The following NRIP2 variants were observed in gnomAD, a reference collection of about 807,000 sequenced individuals.
NRIP2 encodes nuclear receptor-interacting protein 2.
NRIP2 carries 27 observed loss-of-function variants against 34.1 expected under a neutral mutation model. That is an observed-to-expected ratio of 0.79 (90% CI 0.58 to 1.09). NRIP2 has a LOEUF of 1.09. NRIP2 is among the 50% of genes least tolerant of loss of function. NRIP2 has a pLI of 0.00. For synonymous variants in NRIP2, 145 were observed against 146.9 expected (o/e 0.99, Z 0.09); for missense variants, 385 against 352.6 (o/e 1.09, Z -0.74).
Position 2,827,529 on chromosome 12 carries a change from A to T in NRIP2, c.753+96T>A. The T allele has an allele frequency of 3.1e-6, 5 of 1,591,794 alleles. No homozygotes were observed. The highest frequency in any genetic ancestry group is 4.3e-6 in the Non-Finnish European group (5 of 1,172,026). ...AGCAAAGGGACAGTTGCCCATCTCT[A>T]AGTCACTCTCATCAGAACCTGGTCC... On this transcript the variant is annotated intron_variant, in intron 5 of 5. Transcript: ENST00000337508. The surrounding 1 kb of genome is among the most constrained non-coding windows in gnomAD (Gnocchi z 4.0).
At position 2,827,425 on chromosome 12, in the gene NRIP2, T is replaced by C. The variant is rs1003098833; in HGVS notation, c.754-126A>G. 72 of 1,522,696 alleles carry C rather than the reference T, an allele frequency of 4.7e-5. No homozygotes were observed. Among genetic ancestry groups the C allele is most frequent in the Admixed American group, 4.5e-5 (2 of 44,020 alleles). The allele number at this position is 1,522,696 out of a possible 1,614,324, so 94.3% of individuals were successfully genotyped here. ...GCCTTTTGCTCTTCCCCCATCCCCATTTCCCTAGACTCCTGTTGAAGGGGG... is the reference window on the plus strand; with the variant it reads ...GCCTTTTGCTCTTCCCCCATCCCCACTTCCCTAGACTCCTGTTGAAGGGGG... On this transcript the variant is annotated intron_variant, in intron 5 of 5. Transcript: ENST00000337508. This position sits in a 1 kb window ranked among gnomAD's most constrained non-coding sequence, Gnocchi z 4.0.
intron 1 of NRIP2, 140 bp from the exon 2 acceptor site, chr12:2,831,000 T>C: frequency 1.4e-6 from 1 of 718,582 alleles, no homozygotes; most frequent in Admixed American, 4.3e-5. Context: ...TACCCTAGGG[T>C]CCCAGATAAT....
Position 2,830,801 on chromosome 12 carries a change from C to T in NRIP2, c.402G>A (p.Gly134=). 1 of 1,613,800 alleles carries T rather than the reference C, an allele frequency of 6.2e-7. No individual in the cohort carries two copies. The highest frequency in any genetic ancestry group is 8.5e-7 in the Non-Finnish European group (1 of 1,179,878). Residue 134 remains glycine, a synonymous_variant, in exon 2 of 6, where the codon GGG becomes GGA. Transcript: ENST00000337508. ...LVEGNPNWLQ[G]EPPRMQDLIH... is the part of the protein sequence containing the mutation. The stretch of plus-strand genomic sequence containing the variant: ...TCAGGTCCTGCATCCGGGGAGGCTC[C>T]CCCTGAAGCCAATTCGGGTTTCCCT...
At chr12:2,831,217 T>C (rs533336366) in intron 1 of NRIP2, among the ~76,000 whole-genome samples, 10 of 151,922 alleles carry the variant, frequency 6.6e-5, no homozygotes, top group Non-Finnish European at 1.3e-4. Context: ...GTTTTTTTTT[T>C]CTTCCCCTCT....
chr12:2,826,951 T>G lies in NRIP2; in HGVS notation c.*256A>C. 1 of 1,311,260 alleles carries G rather than the reference T, an allele frequency of 7.6e-7. No individual in the cohort carries two copies. The highest frequency in any genetic ancestry group is 9.7e-7 in the Non-Finnish European group (1 of 1,029,306). The allele number at this position is 1,311,260 out of a possible 1,614,324, so 81.2% of individuals were successfully genotyped here. The stretch of plus-strand genomic sequence containing the variant: ...CTGTGGTCTTGATTTGGCTTTGCTT[T>G]TCTTGGGAGGAAGATGAATCAGAAT... On this transcript the variant is annotated 3_prime_UTR_variant, in exon 6 of 6. Coordinates refer to ENST00000337508, the MANE Select transcript of NRIP2 (RefSeq NM_031474.3).
chr12:2,833,729 G>GAAT (rs948423470), intron 1 of NRIP2, among the ~76,000 whole-genome samples: 1 of 152,032 alleles, frequency 6.6e-6, no homozygotes, highest in Admixed American at 6.6e-5. Flanking sequence ...ATAGCTGGGG[G>GAAT]AATAATAATA....
At chr12:2,829,971 G>A (rs1228323010) in intron 2 of NRIP2, among the ~76,000 whole-genome samples, 1 of 151,736 alleles carries the variant, frequency 6.6e-6, no homozygotes, top group African/African-American at 2.4e-5. Context: ...CAGCTACTTA[G>A]GAGGCTGAGG....
At chr12:2,830,058 CAG>C (rs973051746) in intron 2 of NRIP2, among the ~76,000 whole-genome samples, 6 of 151,832 alleles carry the variant, frequency 4.0e-5, no homozygotes, top group African/African-American at 1.5e-4. Flanking sequence ...GCCTGGGTGA[CAG>C]AGCGAGACTC....
Position 2,827,050 on chromosome 12 carries a change from C to A in NRIP2, c.*157G>T. On this transcript the variant is annotated 3_prime_UTR_variant, in exon 6 of 6. Transcript: ENST00000337508. The surrounding 1 kb of genome is among the most constrained non-coding windows in gnomAD (Gnocchi z 4.0). ...AGCTGCTGAGAAGCAGAGAGGAATG[C>A]GGCCAGCTGGGGAAAATGGGACAGC... is the stretch of plus-strand genomic sequence containing the variant. 6.8e-7 allele frequency: 1 copy of A among 1,466,972 alleles called. No homozygotes were observed. The highest frequency in any genetic ancestry group is 2.7e-5 in the Admixed American group (1 of 36,366). 90.9% of individuals were successfully genotyped at this position (1,466,972 alleles called of 1,614,324 possible). A position where few individuals can be genotyped will look rare whatever the true frequency, so the allele number is the denominator to read the frequency against.
In NRIP2 at chr12:2,827,915, G is replaced by T. The variant is rs778437100; in HGVS notation, c.700+11C>A. The T allele has an allele frequency of 3.1e-6, 5 of 1,613,764 alleles. No individual in the cohort carries two copies. Among genetic ancestry groups the T allele is most frequent in the African/African-American group, 2.7e-5 (2 of 74,930 alleles). ...GTGAGCACCAGGGCTGTTGCAGAAGGGGGGACTTACCCACCACCTGTGCCG... is the reference window on the plus strand; with the variant it reads ...GTGAGCACCAGGGCTGTTGCAGAAGTGGGGACTTACCCACCACCTGTGCCG... On this transcript the variant is annotated intron_variant, in intron 4 of 5. Transcript: ENST00000337508. This position sits in a 1 kb window ranked among gnomAD's most constrained non-coding sequence, Gnocchi z 4.0.
In NRIP2 at chr12:2,830,835, C is replaced by A; in HGVS notation, c.368G>T (p.Arg123Leu). The A allele has an allele frequency of 1.9e-6, 3 of 1,613,522 alleles. No individual in the cohort carries two copies. The highest frequency in any genetic ancestry group is 2.5e-6 in the Non-Finnish European group (3 of 1,179,774). ...CCAATTCGGGTTTCCCTCCACCAGG[C>A]GTCTTTGGATCACACTGCGCGGCTG... ...DLQPRSVIQR[R>L]LVEGNPNWLQ... Residue 123 changes from arginine (R) to leucine (L), a missense_variant, in exon 2 of 6, where the codon CGC becomes CTC. Coordinates refer to ENST00000337508, the MANE Select transcript of NRIP2 (RefSeq NM_031474.3).
chr12:2,834,146 G>A (rs185345002), intron 1 of NRIP2, among the ~76,000 whole-genome samples: 104 of 152,268 alleles, frequency 6.8e-4, no homozygotes, highest in Admixed American at 5.2e-3. Flanking sequence ...AGGGGCCCCC[G>A]GCAAGAGCCA....
Position 2,827,754 on chromosome 12 carries a change from C to T in NRIP2, c.701-77G>A, listed in dbSNP as rs1043460049. 3.1e-6 allele frequency: 5 copies of T among 1,610,604 alleles called. No individual in the cohort carries two copies. Among genetic ancestry groups the T allele is most frequent in the Non-Finnish European group, 4.2e-6 (5 of 1,178,868 alleles). On this transcript the variant is annotated intron_variant, in intron 4 of 5. Coordinates refer to ENST00000337508, the MANE Select transcript of NRIP2 (RefSeq NM_031474.3). The surrounding 1 kb of genome is among the most constrained non-coding windows in gnomAD (Gnocchi z 4.0). ...GCTGCCCTCCTCTTAGCCGTTGCTCCTTCTCTGCCCACCCCATCCCCAGAT... is the reference window on the plus strand; with the variant it reads ...GCTGCCCTCCTCTTAGCCGTTGCTCTTTCTCTGCCCACCCCATCCCCAGAT...
At chr12:2,833,987 G>C (rs2098015761) in intron 1 of NRIP2, among the ~76,000 whole-genome samples, 1 of 152,184 alleles carries the variant, frequency 6.6e-6, no homozygotes, top group African/African-American at 2.4e-5. Context: ...GCCTGAATCT[G>C]CAGTTTTCCG....
chr12:2,829,797 G>T (rs1377609849), intron 2 of NRIP2, among the ~76,000 whole-genome samples: 1 of 151,276 alleles, frequency 6.6e-6, no homozygotes, highest in African/African-American at 2.4e-5. Context: ...CGGAAAAGTC[G>T]AGGGGTGCGG....
rs1425419694 is a variant in NRIP2 at position 2,834,854 on chromosome 12, G to A, written c.130C>T (p.Pro44Ser). The A allele has an allele frequency of 1.2e-6, 2 of 1,613,648 alleles. No individual in the cohort carries two copies. The highest frequency in any genetic ancestry group is 2.7e-5 in the African/African-American group (2 of 74,794). Residue 44 changes from proline (P) to serine (S), a missense_variant, in exon 1 of 6, where the codon CCC becomes TCC. Pro to Ser is a moderately conservative substitution (Grantham distance 74). Transcript: ENST00000337508. ...CTCATGGCCCCTGCTGGAGGAGTGG[G>A]CCAGGGGCTGCTCGGTGGGGGCGTC... Reference protein sequence around the residue: ...SVTPPPSSPWPTPPAGAMSTK... With the variant: ...SVTPPPSSPWSTPPAGAMSTK...
At chr12:2,828,185 G>C (rs557922475) in intron 3 of NRIP2, 138 bp from the exon 4 acceptor site, 2 of 1,150,936 alleles carry the variant, frequency 1.7e-6, no homozygotes, top group Non-Finnish European at 2.6e-6. Context: ...TGCCTTCTCT[G>C]CCAGAGTCTT....
At chr12:2,829,324 TAC>T (rs1324883078) in intron 2 of NRIP2, among the ~76,000 whole-genome samples, 1 of 152,246 alleles carries the variant, frequency 6.6e-6, no homozygotes, top group Non-Finnish European at 1.5e-5. Flanking sequence ...CGCTTGGATA[TAC>T]ACACACATCG....
chr12:2,831,503 G>A (rs1022437814), intron 1 of NRIP2, among the ~76,000 whole-genome samples: 1 of 151,802 alleles, frequency 6.6e-6, no homozygotes, highest in Non-Finnish European at 1.5e-5. Context: ...ATAGTCACCT[G>A]AACCTAGAAG....
Sources: gnomAD v4.1 joint callset for allele counts (sites outside exome capture counted in the v4.1 genomes callset) on GRCh38, gnomAD v4.1.1 for gene constraint, Gnocchi (gnomAD v3.1) non-coding constraint, MANE v1.5 for transcripts, NCBI Gene and HGNC (gene_info 2026-07-23, HGNC 2026-07-21) for gene names.